TMEM117: variants seen among roughly 807,000 people sequenced by gnomAD.
TMEM117 encodes the protein transmembrane protein 117.
TMEM117 carries 27 observed loss-of-function variants against 52.4 expected under a neutral mutation model. The observed-to-expected ratio is 0.51, with a 90% CI of 0.38 to 0.71. The LOEUF (loss-of-function observed/expected upper bound fraction) is 0.71, where lower values mean the gene tolerates loss of function less well. Ranked by LOEUF, TMEM117 falls within the 30% of genes least tolerant of loss-of-function variation. The pLI is 0.00. For synonymous variants in TMEM117, 215 were observed against 206.3 expected (o/e 1.04, Z -0.36); for missense variants, 556 against 630.5 (o/e 0.88, Z 1.26).
chr12:44,061,783 G>A (rs762585172), intron 3 of TMEM117, among the ~76,000 whole-genome samples: 61 of 152,096 alleles, frequency 4.0e-4, no homozygotes, highest in Admixed American at 1.4e-3. Context: ...TTTAAGATTA[G>A]GATAGTTGAG....
chr12:44,291,422 A>G (rs1316583803), intron 5 of TMEM117, among the ~76,000 whole-genome samples: 2 of 91,206 alleles, frequency 2.2e-5, no homozygotes, highest in Non-Finnish European at 4.2e-5. Flanking sequence ...GGTTTCCTGT[A>G]TGTAAGATCA....
chr12:43,863,545 G>C (rs1475613168), intron 2 of TMEM117, among the ~76,000 whole-genome samples: 1 of 152,182 alleles, frequency 6.6e-6, no homozygotes, highest in Non-Finnish European at 1.5e-5. Flanking sequence ...ATGGAGTTCA[G>C]GGCTGACAAA....
intron 3 of TMEM117, chr12:44,008,901 C>A: frequency 2.4e-6 from 1 of 415,862 alleles, no homozygotes. Flanking sequence ...TATGGTTTTA[C>A]TCTTTGATGT....
the TMEM117 span, among the ~76,000 whole-genome samples, chr12:43,826,123 T>C: frequency 2.0e-5 from 3 of 152,238 alleles, no homozygotes; most frequent in African/African-American, 7.2e-5. Context: ...CTTTGGTGGG[T>C]GGATGCCAGC....
In TMEM117 at chr12:44,094,069, T is replaced by G. The variant is rs564194451; in HGVS notation, c.411-49456T>G. On this transcript the variant is annotated intron_variant, in intron 3 of 7. Transcript: ENST00000266534. The stretch of plus-strand genomic sequence containing the variant: ...TTTAGCTGTGTCCCTTATGATGTAT[T>G]ACGACCCTTGTTTGATACATGACTA... 3.3e-5 allele frequency among the ~76,000 whole-genome samples: 5 copies of G among 152,270 alleles called. No homozygotes were observed. In the East Asian group the frequency reaches 9.7e-4, roughly 29 times the overall value.
At chr12:43,926,638 T>A (rs1218914800) in intron 2 of TMEM117, among the ~76,000 whole-genome samples, 2 of 152,162 alleles carry the variant, frequency 1.3e-5, no homozygotes, top group East Asian at 3.8e-4. Flanking sequence ...GACATGGTGT[T>A]CTCTTTACCG....
upstream of TMEM117, among the ~76,000 whole-genome samples, chr12:43,832,228 T>C (rs1453229817): frequency 6.6e-6 from 1 of 152,250 alleles, no homozygotes; most frequent in African/African-American, 2.4e-5. Flanking sequence ...ACCTGGCTAC[T>C]GGGCCAATTG....
chr12:44,043,167 A>C (rs547723259), intron 3 of TMEM117, among the ~76,000 whole-genome samples: 1 of 152,324 alleles, frequency 6.6e-6, no homozygotes, highest in East Asian at 1.9e-4. Context: ...CAAAGTGATG[A>C]AAGAAAATGA....
At chr12:44,361,038 C>T (rs1424481314) in intron 6 of TMEM117, among the ~76,000 whole-genome samples, 1 of 152,080 alleles carries the variant, frequency 6.6e-6, no homozygotes, top group Non-Finnish European at 1.5e-5. Flanking sequence ...CACAGTCTAA[C>T]AAGCAGGGTC....
At chr12:44,268,149 T>C (rs1324901707) in intron 5 of TMEM117, among the ~76,000 whole-genome samples, 1 of 152,072 alleles carries the variant, frequency 6.6e-6, no homozygotes, top group East Asian at 1.9e-4. Flanking sequence ...ACATCTTTTT[T>C]TTTTTTGAGA....
rs145419953 is a variant in TMEM117, at chr12:44,311,759, A to G, written c.768+12020A>G. On this transcript the variant is annotated intron_variant, in intron 6 of 7. Transcript: ENST00000266534. Reference sequence around the variant, plus strand: ...TATATGTATATATGTGTATATATGTATATATATATGTATATATGTGTATAT... The same window carrying G: ...TATATGTATATATGTGTATATATGTGTATATATATGTATATATGTGTATAT... 9.7e-3 allele frequency among the ~76,000 whole-genome samples: 1,135 copies of G among 116,550 alleles called. 36 individuals carry two copies. The highest frequency in any genetic ancestry group is 0.025 in the African/African-American group (543 of 22,032). The allele number at this position is 116,550 out of a possible 152,430, so 76.5% of individuals were successfully genotyped here.
chr12:44,101,026 C>T (rs1287311662), intron 3 of TMEM117, among the ~76,000 whole-genome samples: 1 of 151,882 alleles, frequency 6.6e-6, no homozygotes, highest in Non-Finnish European at 1.5e-5. Context: ...TGAGGACCAT[C>T]TTCTGGTTCC....
At chr12:44,318,046 C>T (rs1275553971) in intron 6 of TMEM117, among the ~76,000 whole-genome samples, 2 of 152,266 alleles carry the variant, frequency 1.3e-5, no homozygotes, top group Non-Finnish European at 2.9e-5. Flanking sequence ...GGAGGGGTGA[C>T]GGCCCGAACT....
intron 3 of TMEM117, among the ~76,000 whole-genome samples, chr12:43,984,644 T>C (rs986725875): frequency 6.6e-6 from 1 of 152,206 alleles, no homozygotes; most frequent in African/African-American, 2.4e-5. Context: ...GATAGACCCT[T>C]GTAGGAACCA....
intron 6 of TMEM117, among the ~76,000 whole-genome samples, chr12:44,366,970 C>T (rs766046340): frequency 6.6e-6 from 1 of 152,148 alleles, no homozygotes; most frequent in Non-Finnish European, 1.5e-5. Flanking sequence ...TCAGAATGGA[C>T]ACCAGCTGTA....
the TMEM117 span, among the ~76,000 whole-genome samples, chr12:43,825,434 G>A: frequency 6.6e-6 from 1 of 152,014 alleles, no homozygotes; most frequent in African/African-American, 2.4e-5. Context: ...GCACCACAGG[G>A]CCCTATCCAT....
At chr12:43,913,464 G>T (rs1183957970) in intron 2 of TMEM117, among the ~76,000 whole-genome samples, 1 of 152,094 alleles carries the variant, frequency 6.6e-6, no homozygotes, top group Non-Finnish European at 1.5e-5. Context: ...TGGGATAAAA[G>T]ATCCCATTTA....
At chr12:43,844,028 T>C (rs1377941393) in intron 1 of TMEM117, among the ~76,000 whole-genome samples, 3 of 152,240 alleles carry the variant, frequency 2.0e-5, no homozygotes, top group Non-Finnish European at 4.4e-5. Flanking sequence ...TATATTGTTT[T>C]GATTTTGTAA....
intron 2 of TMEM117, among the ~76,000 whole-genome samples, chr12:43,906,793 T>TA (rs959775921): frequency 6.6e-6 from 1 of 152,218 alleles, no homozygotes; most frequent in African/African-American, 2.4e-5. Flanking sequence ...CCGACAGGCT[T>TA]AAAAAACGGC....
Sources: gnomAD v4.1 joint callset for allele counts (sites outside exome capture counted in the v4.1 genomes callset) on GRCh38, gnomAD v4.1.1 for gene constraint, MANE v1.5 for transcripts, NCBI Gene and HGNC (gene_info 2026-07-23, HGNC 2026-07-21) for gene names.